KCTD8: variants seen among roughly 807,000 people sequenced by gnomAD.
KCTD8 encodes the protein BTB/POZ domain-containing protein KCTD8.
In KCTD8, 27 loss-of-function variants were observed where a neutral mutation model predicts 31.5. The observed-to-expected ratio is 0.86, with a 90% CI of 0.63 to 1.18. The LOEUF (loss-of-function observed/expected upper bound fraction) is 1.18. Ranked by LOEUF, KCTD8 falls within the 50% of genes most tolerant of loss-of-function variation. The probability of loss-of-function intolerance (pLI) is 0.00; values close to 1 mark genes in which losing one functional copy is unlikely to be tolerated. For synonymous variants in KCTD8, 290 were observed against 280.0 expected, an observed-to-expected ratio of 1.04 and a Z score of -0.36; for missense variants, 658 against 647.7, an observed-to-expected ratio of 1.02 and a Z score of -0.17.
intron 1 of KCTD8, among the ~76,000 whole-genome samples, chr4:44,243,174 A>G (rs1380019209): frequency 6.6e-6 from 1 of 152,214 alleles, no homozygotes; most frequent in East Asian, 1.9e-4. Flanking sequence ...TTTTAAAGTC[A>G]AAAGAGGCAA....
rs560840242 is a variant in KCTD8 at position 44,399,548 on chromosome 4, C to T, written c.961+48015G>A. ...AAGATTCAAGGAAAGAAGAGATCAA[C>T]GGCCCTTTATAAAGGATTAGAAAAA... On this transcript the variant is annotated intron_variant, in intron 1 of 1. Transcript: ENST00000360029. Among the ~76,000 whole-genome samples, 214 of 152,214 alleles carry T rather than the reference C, an allele frequency of 1.4e-3. 2 individuals are homozygous for T. Among genetic ancestry groups the T allele is most frequent in the African/African-American group, 5.0e-3 (208 of 41,544 alleles).
intron 1 of KCTD8, among the ~76,000 whole-genome samples, chr4:44,202,680 C>G (rs1418689926): frequency 6.6e-6 from 1 of 151,984 alleles, no homozygotes; most frequent in Non-Finnish European, 1.5e-5. Context: ...GGGTATTATG[C>G]TCACTATCTG....
intron 1 of KCTD8, among the ~76,000 whole-genome samples, chr4:44,309,241 T>G (rs887713043): frequency 1.3e-5 from 2 of 151,932 alleles, no homozygotes; most frequent in African/African-American, 4.8e-5. Flanking sequence ...GTTTTTGCCA[T>G]GTTGCCCAGG....
At chr4:44,290,024 T>C (rs1181780645) in intron 1 of KCTD8, among the ~76,000 whole-genome samples, 3 of 152,038 alleles carry the variant, frequency 2.0e-5, no homozygotes, top group African/African-American at 4.8e-5. Context: ...GAGTGGGAAG[T>C]TGGATCAGAA....
At chr4:44,193,619 T>G (rs1305650786) in intron 1 of KCTD8, among the ~76,000 whole-genome samples, 1 of 152,134 alleles carries the variant, frequency 6.6e-6, no homozygotes, top group African/African-American at 2.4e-5. Context: ...TAACATTATT[T>G]TATTTTACAT....
intron 1 of KCTD8, among the ~76,000 whole-genome samples, chr4:44,438,421 GA>G (rs764956222): frequency 6.6e-6 from 1 of 152,072 alleles, no homozygotes; most frequent in Non-Finnish European, 1.5e-5. Context: ...GCCCTCATCA[GA>G]AATATAAATA....
intron 1 of KCTD8, among the ~76,000 whole-genome samples, chr4:44,402,795 A>G (rs1252819440): frequency 1.3e-5 from 2 of 152,222 alleles, no homozygotes; most frequent in African/African-American, 2.4e-5. Context: ...AAGCTGAATT[A>G]GGAATACCTT....
intron 1 of KCTD8, among the ~76,000 whole-genome samples, chr4:44,342,450 A>C (rs929318557): frequency 1.3e-5 from 2 of 152,020 alleles, no homozygotes; most frequent in Admixed American, 1.3e-4. Flanking sequence ...TCAGTAAACC[A>C]TGCTATAAAC....
At chr4:44,274,873 T>C (rs537550074) in intron 1 of KCTD8, among the ~76,000 whole-genome samples, 1 of 152,054 alleles carries the variant, frequency 6.6e-6, no homozygotes, top group South Asian at 2.1e-4. Flanking sequence ...GAATGAAGTT[T>C]AATTAACTTA....
At chr4:44,419,780 A>T (rs1330877768) in intron 1 of KCTD8, among the ~76,000 whole-genome samples, 4 of 152,100 alleles carry the variant, frequency 2.6e-5, no homozygotes, top group Admixed American at 2.6e-4. Context: ...CAGCAAATCA[A>T]CATGGCACAT....
At chr4:44,346,351 A>ATT (rs1159236750) in intron 1 of KCTD8, among the ~76,000 whole-genome samples, 1 of 152,084 alleles carries the variant, frequency 6.6e-6, no homozygotes, top group African/African-American at 2.4e-5. Context: ...AATCTGTGAT[A>ATT]TTTTATATCC....
intron 1 of KCTD8, among the ~76,000 whole-genome samples, chr4:44,358,291 T>A (rs1719399064): frequency 6.6e-6 from 1 of 152,242 alleles, no homozygotes; most frequent in Admixed American, 6.5e-5. Flanking sequence ...TTATCCAGTC[T>A]ATCATTGATG....
intron 1 of KCTD8, among the ~76,000 whole-genome samples, chr4:44,266,762 G>A (rs1037784105): frequency 2.6e-5 from 4 of 152,068 alleles, no homozygotes; most frequent in Admixed American, 6.5e-5. Context: ...TGATAAAACA[G>A]GCTTTAAACC....
At chr4:44,319,372 G>GA (rs1490092221) in intron 1 of KCTD8, among the ~76,000 whole-genome samples, 1 of 151,798 alleles carries the variant, frequency 6.6e-6, no homozygotes, top group Non-Finnish European at 1.5e-5. Context: ...ATTTGGCCAT[G>GA]ATGTCTAAAA....
At chr4:44,445,282 T>A (rs1271139797) in intron 1 of KCTD8, among the ~76,000 whole-genome samples, 1 of 152,184 alleles carries the variant, frequency 6.6e-6, no homozygotes, top group Non-Finnish European at 1.5e-5. Flanking sequence ...ACATTTAAAA[T>A]GACAACTCCA....
chr4:44,428,622 G>A (rs1177945194), intron 1 of KCTD8, among the ~76,000 whole-genome samples: 2 of 151,740 alleles, frequency 1.3e-5, no homozygotes, highest in Non-Finnish European at 2.9e-5. Context: ...AAATGTCAGA[G>A]TATCCACAGA....
chr4:44,331,813 T>C lies in KCTD8; in HGVS notation c.961+115750A>G, dbSNP rs532741781. On this transcript the variant is annotated intron_variant, in intron 1 of 1. Transcript: ENST00000360029. ...ATCTCTCTCTGTGTGTATATATATA[T>C]AAATTCATATATATGAAAAAAATAA... 4.7e-5 allele frequency among the ~76,000 whole-genome samples: 7 copies of C among 149,314 alleles called. No individual in the cohort carries two copies. In the East Asian group the frequency reaches 1.4e-3, roughly 29 times the overall value.
At chr4:44,216,403 C>A (rs1381217333) in intron 1 of KCTD8, among the ~76,000 whole-genome samples, 1 of 152,032 alleles carries the variant, frequency 6.6e-6, no homozygotes, top group Admixed American at 6.6e-5. Flanking sequence ...TATTTTCTAA[C>A]CCCAAAAAGT....
chr4:44,235,124 T>C (rs1201989274), intron 1 of KCTD8, among the ~76,000 whole-genome samples: 1 of 151,256 alleles, frequency 6.6e-6, no homozygotes, highest in Non-Finnish European at 1.5e-5. Flanking sequence ...ACAATGATGA[T>C]GATGATTATA....
Sources: allele counts gnomAD v4.1 joint callset (sites outside exome capture counted in the v4.1 genomes callset), GRCh38; gene constraint gnomAD v4.1.1; transcripts MANE v1.5; gene names NCBI Gene and HGNC (gene_info 2026-07-23, HGNC 2026-07-21).